Variants in TRMT6 observed in about 807,000 individuals in gnomAD.
TRMT6 encodes tRNA (adenine(58)-N(1))-methyltransferase non-catalytic subunit TRM6.
Under a neutral mutation model 59.0 loss-of-function variants are expected in TRMT6, and 34 were observed. The ratio of observed to expected loss-of-function variants is 0.58; its 90% confidence interval spans 0.44 to 0.77. The LOEUF (loss-of-function observed/expected upper bound fraction) is 0.77, where lower values mean the gene tolerates loss of function less well. Among genes scored for constraint, TRMT6 ranks in the 30% least tolerant of loss-of-function variants. The probability of loss-of-function intolerance (pLI) is 0.00; values close to 1 mark genes in which losing one functional copy is unlikely to be tolerated. For missense variants in TRMT6, 575 were observed against 604.5 expected (o/e 0.95, Z 0.51); for synonymous variants, 217 against 210.5 (o/e 1.03, Z -0.27).
In TRMT6 at chr20:5,942,594, T is replaced by C. The variant is rs915319475; in HGVS notation, c.860A>G (p.Glu287Gly). The C allele has an allele frequency of 4.3e-6, 7 of 1,614,114 alleles. No homozygotes were observed. The highest frequency in any genetic ancestry group is 1.7e-5 in the Admixed American group (1 of 60,016). The change falls in exon 7 of 11, where the codon GAA becomes GGA. Residue 287 changes from glutamate to glycine, a missense_variant. By Grantham distance (98) the Glu-to-Gly change is moderately conservative. Transcript: ENST00000203001. ...SEPKDSALVE[E>G]SNGTLEEKQA... The stretch of plus-strand genomic sequence containing the variant: ...TTTTTCCTCCAGTGTGCCATTACTT[T>C]CTTCAACCAAAGCACTGTCTTTTGG...
At position 5,943,996 on chromosome 20, in the gene TRMT6, G is replaced by A. The variant is rs1216616651; in HGVS notation, c.494C>T (p.Thr165Ile). 6.2e-7 allele frequency: 1 copy of A among 1,610,226 alleles called. No individual in the cohort carries two copies. Among genetic ancestry groups the A allele is most frequent in the South Asian group, 1.1e-5 (1 of 89,756 alleles). The part of the protein sequence containing the change: ...EAIITVVKPS[T>I]RILSIMYYAR... The stretch of plus-strand genomic sequence containing the variant: ...ATAATACATAATTGAAAGAATACGG[G>A]TGGATGGCTTCACAACAGTAATGAT... Residue 165 changes from threonine to isoleucine, a missense_variant, in exon 5 of 11, where the codon ACC (threonine) becomes ATC (isoleucine). Transcript: ENST00000203001.
At chr20:5,941,469 A>G (rs568596412) in intron 8 of TRMT6, 124 bp from the exon 9 acceptor site, 210 of 720,918 alleles carry the variant, frequency 2.9e-4, no homozygotes, top group Admixed American at 1.4e-3. Flanking sequence ...AGATTTAAAT[A>G]TAACATTCTA....
chr20:5,941,180 G>T lies in TRMT6; in HGVS notation c.1216-41C>A, dbSNP rs189168025. 7.2e-4 allele frequency: 1,152 copies of T among 1,607,398 alleles called. 5 individuals are homozygous for T. In the African/African-American group the frequency reaches 0.012, roughly 17 times the overall value. ...GAATTCTGTTAAGAACTACTTCCTG[G>T]GATGCAGTTTAAGAATCAACATTCA... On this transcript the variant is annotated intron_variant, in intron 9 of 10. Coordinates refer to ENST00000203001, the MANE Select transcript of TRMT6 (RefSeq NM_015939.5).
Position 5,950,471 on chromosome 20 carries a change from G to A in TRMT6, c.-66C>T. 6.7e-7 allele frequency: 1 copy of A among 1,503,602 alleles called. No individual in the cohort carries two copies. The highest frequency in any genetic ancestry group is 1.2e-5 in the South Asian group (1 of 80,800). 93.1% of individuals were successfully genotyped at this position (1,503,602 alleles called of 1,614,324 possible). ...TCCTCCTCGGTTGTCGCCACCGCCAGCCTCACTTCCCACAACCTGGCGCAC... is the reference window on the plus strand; with the variant it reads ...TCCTCCTCGGTTGTCGCCACCGCCAACCTCACTTCCCACAACCTGGCGCAC... On this transcript the variant is annotated 5_prime_UTR_variant, in exon 1 of 11. Coordinates refer to ENST00000203001, the MANE Select transcript of TRMT6 (RefSeq NM_015939.5).
In TRMT6 at chr20:5,941,958, C is replaced by T. The variant is rs767823128; in HGVS notation, c.1105G>A (p.Ala369Thr). The part of the protein sequence containing the change: ...EAAALLSERN[A>T]DGLIVASRFH... ...CTTCTTCCATCAACGCACCCATCTG[C>T]GTTTCTTTCACTCAGCAGAGCGGCA... The change falls in exon 8 of 11, where the codon GCA (alanine) becomes ACA (threonine). Residue 369 changes from alanine (A) to threonine (T), a missense_variant. Transcript: ENST00000203001. 6.2e-6 allele frequency: 10 copies of T among 1,613,114 alleles called. No homozygotes were observed. Among genetic ancestry groups the T allele is most frequent in the South Asian group, 4.4e-5 (4 of 91,076 alleles).
rs376777083 is a variant in TRMT6, at chr20:5,942,484, T to C, written c.970A>G (p.Ile324Val). The change falls in exon 7 of 11, where the codon ATT (isoleucine) becomes GTT (valine). Residue 324 changes from isoleucine (I) to valine (V), a missense_variant. By Grantham distance (29) the Ile-to-Val change is conservative (BLOSUM62 3). Coordinates refer to ENST00000203001, the MANE Select transcript of TRMT6 (RefSeq NM_015939.5). Reference protein sequence around the residue: ...HPEDQETMETISQDPEHKGPK... With the variant: ...HPEDQETMETVSQDPEHKGPK... ...CCCTTATGTTCTGGATCTTGAGAAATTGTTTCCATTGTTTCCTGGTCTTCT... is the reference window on the plus strand; with the variant it reads ...CCCTTATGTTCTGGATCTTGAGAAACTGTTTCCATTGTTTCCTGGTCTTCT... The C allele has an allele frequency of 1.7e-5, 27 of 1,613,962 alleles. No homozygotes were observed. The African/African-American group carries it at 3.2e-4, about 19-fold the overall frequency.
rs142526859 is a variant in TRMT6 at position 5,937,789 on chromosome 20, C to G, written c.*746G>C. On this transcript the variant is annotated 3_prime_UTR_variant, in exon 11 of 11. Transcript: ENST00000203001. ...GTGTATATATACCAACATCTATATA[C>G]ATATGTGTGTGTGTGCAAATGTGTA... is the stretch of plus-strand genomic sequence containing the variant. 1.4e-3 allele frequency: 217 copies of G among 152,232 alleles called. 2 individuals carry two copies. The highest frequency in any genetic ancestry group is 5.1e-3 in the African/African-American group (212 of 41,526). 9.4% of individuals were successfully genotyped at this position (152,232 alleles called of 1,614,324 possible).
chr20:5,938,599 A>G lies in TRMT6; in HGVS notation c.1430T>C (p.Leu477Ser), dbSNP rs374695988. 5 of 1,614,130 alleles carry G rather than the reference A, an allele frequency of 3.1e-6. No homozygotes were observed. Among genetic ancestry groups the G allele is most frequent in the Admixed American group, 1.7e-5 (1 of 60,010 alleles). ...AGGCTCCTCAGTCTCGTGTGATTCTAAAGTGCTTGCATTAGATTTGAGGCT... is the reference window on the plus strand; with the variant it reads ...AGGCTCCTCAGTCTCGTGTGATTCTGAAGTGCTTGCATTAGATTTGAGGCT... ...DTSLKSNAST[L>S]ESHETEEPAA... The change falls in exon 11 of 11, where the codon TTA becomes TCA. Residue 477 changes from leucine (L) to serine (S), a missense_variant. Physicochemically the swap from Leu to Ser is moderately radical, Grantham distance 145. Coordinates refer to ENST00000203001, the MANE Select transcript of TRMT6 (RefSeq NM_015939.5).
At chr20:5,938,947 TTTC>T (rs2088633086) in intron 10 of TRMT6, among the ~76,000 whole-genome samples, 2 of 146,108 alleles carry the variant, frequency 1.4e-5, no homozygotes, top group Non-Finnish European at 3.0e-5. Flanking sequence ...TCTCTCTCTC[TTTC>T]TTTTTAAGAG....
At position 5,941,130 on chromosome 20, in the gene TRMT6, C is replaced by A; in HGVS notation, c.1225G>T (p.Glu409Ter). 6.2e-7 allele frequency: 1 copy of A among 1,614,084 alleles called. No individual in the cohort carries two copies. The highest frequency in any genetic ancestry group is 8.5e-7 in the Non-Finnish European group (1 of 1,179,928). ...CTCTCCCGCAGTTTTGTGTAGCATT[C>A]CAACAGAGGCTGCAGACAACAACAG... ...VYCQYKEPLLECYTKLRERGG... is the reference protein window; with the variant it reads ...VYCQYKEPLL The change falls in exon 10 of 11, where the codon GAA becomes TAA. Residue 409 changes from glutamate to a stop codon, truncating the protein, a stop_gained. Transcript: ENST00000203001. LOFTEE classifies it high-confidence loss of function.
chr20:5,941,827 A>G lies in TRMT6; in HGVS notation c.1112+124T>C, dbSNP rs947483055. 4 of 836,310 alleles carry G rather than the reference A, an allele frequency of 4.8e-6. No homozygotes were observed. In the East Asian group the frequency reaches 7.5e-5, roughly 16 times the overall value. 51.8% of individuals were successfully genotyped at this position (836,310 alleles called of 1,614,324 possible). On this transcript the variant is annotated intron_variant, in intron 8 of 10. Coordinates refer to ENST00000203001, the MANE Select transcript of TRMT6 (RefSeq NM_015939.5). The stretch of plus-strand genomic sequence containing the variant: ...GCCTCCTTTCTTTAAAAAAACCCCC[A>G]AGACAAAATCCTCATCTCGGGTCCC...
intron 10 of TRMT6, among the ~76,000 whole-genome samples, chr20:5,939,489 A>G (rs1298799446): frequency 1.5e-5 from 2 of 132,736 alleles, no homozygotes; most frequent in Admixed American, 1.5e-4. Context: ...CAAAAATGAA[A>G]AAAAAAAAAA....
intron 10 of TRMT6, among the ~76,000 whole-genome samples, chr20:5,940,050 GC>G (rs2088642711): frequency 6.6e-6 from 1 of 152,198 alleles, no homozygotes; most frequent in Non-Finnish European, 1.5e-5. Context: ...CAGAGCTGGA[GC>G]ATTTCTGCTT....
intron 10 of TRMT6, among the ~76,000 whole-genome samples, chr20:5,940,461 G>T (rs760292803): frequency 2.0e-5 from 3 of 152,108 alleles, no homozygotes; most frequent in Non-Finnish European, 4.4e-5. Context: ...GAACCATAAT[G>T]GTTTGCATTT....
chr20:5,947,446 G>A (rs1353286083), intron 1 of TRMT6, among the ~76,000 whole-genome samples: 6 of 152,118 alleles, frequency 3.9e-5, no homozygotes, highest in East Asian at 1.9e-4. Flanking sequence ...CATCACCCAC[G>A]CTCCCGTGTC....
chr20:5,942,741 C>T lies in TRMT6; in HGVS notation c.713G>A (p.Arg238Gln), dbSNP rs760441551. ...AAATCCAAAACATGCTGTTGCTGCC[C>T]GAACAGGTCCTCCTCCAGGGTATAG... ...IQLYPGGGPV[R>Q]AATACFGFPK... Residue 238 changes from arginine to glutamine, a missense_variant, in exon 7 of 11, where the codon CGG (arginine) becomes CAG (glutamine). Arg to Gln is a conservative substitution (Grantham distance 43). Transcript: ENST00000203001. 4.3e-6 allele frequency: 7 copies of T among 1,613,784 alleles called. No homozygotes were observed. In the South Asian group the frequency reaches 4.4e-5, roughly 10 times the overall value.
rs190320110 is a variant in TRMT6, at chr20:5,943,890, T to C, written c.542+58A>G. The C allele has an allele frequency of 5.1e-6, 8 of 1,575,026 alleles. No homozygotes were observed. The East Asian group carries it at 9.0e-5, about 18-fold the overall frequency. Reference sequence around the variant, plus strand: ...AGCTTTTTCATTTTACTTAAAATCATGACTTTCTTAAAGACATATTTCCCC... The same window carrying C: ...AGCTTTTTCATTTTACTTAAAATCACGACTTTCTTAAAGACATATTTCCCC... On this transcript the variant is annotated intron_variant, in intron 5 of 10. Coordinates refer to ENST00000203001, the MANE Select transcript of TRMT6 (RefSeq NM_015939.5).
rs1371627762 is a variant in TRMT6, at chr20:5,950,360, C to T, written c.46G>A (p.Gly16Arg). ...EQPGPQPQHP[G>R]DHRIRDGDFV... is the part of the protein sequence containing the mutation. ...TCGCCGTCGCGGATGCGGTGGTCTC[C>T]GGGATGCTGTGGTTGTGGGCCCGGC... The change falls in exon 1 of 11, where the codon GGA becomes AGA. Residue 16 changes from glycine (G) to arginine (R), a missense_variant. Coordinates refer to ENST00000203001, the MANE Select transcript of TRMT6 (RefSeq NM_015939.5). 6.2e-7 allele frequency: 1 copy of T among 1,611,130 alleles called. No homozygotes were observed. Among genetic ancestry groups the T allele is most frequent in the Admixed American group, 1.7e-5 (1 of 60,008 alleles).
chr20:5,940,980 A>T, intron 10 of TRMT6, 73 bp downstream of exon 10: 1 of 1,154,554 alleles, frequency 8.7e-7, no homozygotes, highest in Non-Finnish European at 1.3e-6. Flanking sequence ...CTATTTAATG[A>T]CTTCTAGTAC....
Sources: gnomAD v4.1 joint callset for allele counts (sites outside exome capture counted in the v4.1 genomes callset) on GRCh38, gnomAD v4.1.1 for gene constraint, MANE v1.5 for transcripts, NCBI Gene and HGNC (gene_info 2026-07-23, HGNC 2026-07-21) for gene names.